The following CNTN5 variants were observed in gnomAD, a reference collection of about 807,000 sequenced individuals.
The protein encoded by CNTN5 is contactin 5.
A neutral mutation model predicts 129.1 loss-of-function variants in CNTN5; 77 were observed. The observed-to-expected ratio is 0.60, with a 90% CI of 0.50 to 0.72. The LOEUF (loss-of-function observed/expected upper bound fraction) is 0.72. Among genes scored for constraint, CNTN5 ranks in the 30% least tolerant of loss-of-function variants. CNTN5 has a pLI of 0.00. For missense variants in CNTN5, 1,478 were observed against 1,328.8 expected (o/e 1.11, Z -1.75); for synonymous variants, 509 against 465.6 (o/e 1.09, Z -1.20).
chr11:100,145,035 C>A (rs139384359), intron 13 of CNTN5, among the ~76,000 whole-genome samples: 1 of 126,064 alleles, frequency 7.9e-6, no homozygotes, highest in East Asian at 2.1e-4. Flanking sequence ...GGGGTCATAT[C>A]TTTAAATTCT....
intron 13 of CNTN5, among the ~76,000 whole-genome samples, chr11:100,076,925 A>G (rs1944154600): frequency 6.6e-6 from 1 of 152,186 alleles, no homozygotes; most frequent in Non-Finnish European, 1.5e-5. Flanking sequence ...ACAAAAAATA[A>G]TAACACTTAA....
chr11:99,956,819 C>G lies in CNTN5; in HGVS notation c.687C>G (p.Ser229Arg), dbSNP rs1950814638. 1 of 1,613,714 alleles carries G rather than the reference C, an allele frequency of 6.2e-7. No homozygotes were observed. Residue 229 changes from serine (S) to arginine (R), a missense_variant, in exon 8 of 25, where the codon AGC becomes AGG. Physicochemically the swap from Ser to Arg is moderately radical, Grantham distance 110. Coordinates refer to ENST00000524871, the MANE Select transcript of CNTN5 (RefSeq NM_014361.4). ...PPPHSPEIIYSWVFNEFPSFV... is the reference protein window; with the variant it reads ...PPPHSPEIIYRWVFNEFPSFV... The stretch of plus-strand genomic sequence containing the variant: ...GTGTATTTTCAGAGATCATCTATAG[C>G]TGGGTATTTAATGAGTTCCCTTCCT...
At chr11:99,031,562 G>T (rs1863374671) in intron 1 of CNTN5, among the ~76,000 whole-genome samples, 1 of 151,816 alleles carries the variant, frequency 6.6e-6, no homozygotes, top group Non-Finnish European at 1.5e-5. Context: ...AGGAGAGGGA[G>T]CTGATAGAAA....
intron 2 of CNTN5, among the ~76,000 whole-genome samples, chr11:99,371,268 T>G (rs1029215404): frequency 6.6e-6 from 1 of 152,060 alleles, no homozygotes; most frequent in Non-Finnish European, 1.5e-5. Context: ...GTAAAAATTT[T>G]AAAGATTATA....
At chr11:99,336,690 A>G (rs536413942) in intron 2 of CNTN5, among the ~76,000 whole-genome samples, 5 of 152,152 alleles carry the variant, frequency 3.3e-5, no homozygotes, top group Admixed American at 1.3e-4. Flanking sequence ...AAGTACGACA[A>G]TTAGCTGGGC....
intron 7 of CNTN5, among the ~76,000 whole-genome samples, chr11:99,943,312 T>A (rs1591457610): frequency 6.6e-6 from 1 of 152,282 alleles, no homozygotes; most frequent in African/African-American, 2.4e-5. Flanking sequence ...TTTCATATGT[T>A]TGTTGGCCGC....
chr11:99,814,104 A>G (rs895637256), intron 3 of CNTN5, among the ~76,000 whole-genome samples: 8 of 152,118 alleles, frequency 5.3e-5, no homozygotes, highest in East Asian at 1.9e-4. Flanking sequence ...ATGCTGAAAG[A>G]GAGACAGAAG....
chr11:100,092,423 A>G (rs1944823394), intron 13 of CNTN5, among the ~76,000 whole-genome samples: 1 of 152,066 alleles, frequency 6.6e-6, no homozygotes, highest in Admixed American at 6.6e-5. Flanking sequence ...TAAGGCCTGC[A>G]TTTTCGTGGT....
intron 1 of CNTN5, among the ~76,000 whole-genome samples, chr11:99,079,322 A>G (rs1865701897): frequency 6.6e-6 from 1 of 152,190 alleles, no homozygotes; most frequent in Non-Finnish European, 1.5e-5. Context: ...AAGATTTTCC[A>G]ACTCTATCTA....
chr11:99,963,140 T>C (rs542299375), intron 8 of CNTN5, among the ~76,000 whole-genome samples: 62 of 152,326 alleles, frequency 4.1e-4, no homozygotes, highest in Non-Finnish European at 7.3e-4. Flanking sequence ...TTTCTTTTGC[T>C]GTGCAGGAGC....
At chr11:99,079,030 T>A (rs1224834731) in intron 1 of CNTN5, among the ~76,000 whole-genome samples, 2 of 152,204 alleles carry the variant, frequency 1.3e-5, no homozygotes, top group African/African-American at 4.8e-5. Flanking sequence ...ACACATTGTA[T>A]GCCTGTATTA....
At chr11:100,126,872 G>A (rs1314365150) in intron 13 of CNTN5, among the ~76,000 whole-genome samples, 1 of 151,922 alleles carries the variant, frequency 6.6e-6, no homozygotes, top group Non-Finnish European at 1.5e-5. Flanking sequence ...TGCTTTATAG[G>A]TCCTGTGGGC....
At chr11:100,346,389 A>G (rs1952280406) in intron 23 of CNTN5, among the ~76,000 whole-genome samples, 1 of 152,166 alleles carries the variant, frequency 6.6e-6, no homozygotes, top group Non-Finnish European at 1.5e-5. Flanking sequence ...TAATTTACCC[A>G]GGTTATAAAG....
intron 3 of CNTN5, among the ~76,000 whole-genome samples, chr11:99,700,739 G>T (rs181123587): frequency 1.3e-5 from 2 of 151,136 alleles, no homozygotes; most frequent in Non-Finnish European, 3.0e-5. Flanking sequence ...AATGGCTACT[G>T]TCCTGGTCCT....
At chr11:99,911,748 A>AAAAAG (rs1260925513) in intron 6 of CNTN5, among the ~76,000 whole-genome samples, 1 of 151,864 alleles carries the variant, frequency 6.6e-6, no homozygotes, top group Non-Finnish European at 1.5e-5. Context: ...TAAAAAAAAA[A>AAAAAG]AAAAGAAAAA....
intron 2 of CNTN5, among the ~76,000 whole-genome samples, chr11:99,419,370 G>C (rs775071007): frequency 3.3e-5 from 5 of 152,146 alleles, no homozygotes; most frequent in Non-Finnish European, 7.4e-5. Flanking sequence ...GAATTTCTAA[G>C]AAGTTGAGAG....
At chr11:99,126,165 T>A (rs2135420528) in intron 1 of CNTN5, among the ~76,000 whole-genome samples, 1 of 152,286 alleles carries the variant, frequency 6.6e-6, no homozygotes, top group Admixed American at 6.5e-5. Flanking sequence ...ATTAACAGAT[T>A]CAGTAAAAAA....
At chr11:100,274,723 AG>A (rs1332966238) in intron 18 of CNTN5, among the ~76,000 whole-genome samples, 1 of 152,232 alleles carries the variant, frequency 6.6e-6, no homozygotes, top group Non-Finnish European at 1.5e-5. Flanking sequence ...ATTACTAAAA[AG>A]TCAAAAAATA....
intron 1 of CNTN5, among the ~76,000 whole-genome samples, chr11:99,317,550 C>A (rs1409222999): frequency 6.6e-6 from 1 of 151,988 alleles, no homozygotes; most frequent in East Asian, 1.9e-4. Flanking sequence ...TCCAGTCTGT[C>A]TTGGTGGTTT....
Sources: gnomAD v4.1 joint callset for allele counts (sites outside exome capture counted in the v4.1 genomes callset) on GRCh38, gnomAD v4.1.1 for gene constraint, MANE v1.5 for transcripts, NCBI Gene and HGNC (gene_info 2026-07-23, HGNC 2026-07-21) for gene names.